The following STOML1 variants were observed in gnomAD, a reference collection of about 807,000 sequenced individuals.
STOML1 encodes stomatin-like protein 1.
STOML1 carries 27 observed loss-of-function variants against 35.7 expected under a neutral mutation model. That is an observed-to-expected ratio of 0.76 (90% CI 0.56 to 1.04). STOML1 has a LOEUF of 1.04. Ranked by LOEUF, STOML1 falls within the 50% of genes least tolerant of loss-of-function variation. The pLI is 0.00. For missense variants in STOML1, 451 were observed against 527.1 expected (o/e 0.86, Z 1.41); for synonymous variants, 219 against 227.9 (o/e 0.96, Z 0.35).
rs550424824 is a variant in STOML1 at position 73,988,677 on chromosome 15, G to A, written c.516C>T (p.Asn172=). 5.1e-5 allele frequency: 83 copies of A among 1,614,196 alleles called. No individual in the cohort carries two copies. The highest frequency in any genetic ancestry group is 2.2e-4 in the Admixed American group (13 of 60,034). The change falls in exon 4 of 7, where the codon AAC becomes AAT. Residue 172 remains asparagine (N), a synonymous_variant. Transcript: ENST00000541638. This position sits in a 1 kb window ranked among gnomAD's most constrained non-coding sequence, Gnocchi z 4.8. ...TCTTGAGCAGGGCCTTGGTCATGGC[G>A]TTCTGGGCTGTCATGCGTGTGGCTG... ...LNTATRMTAQ[N]AMTKALLKRP...
rs1304801303 is a variant in STOML1 at position 73,988,471 on chromosome 15, T to C, written c.594+128A>G. ...CACCCAGGCACTGGCTCTTCAAAGG[T>C]GGTTACACTATTGGGACATATGGTA... On this transcript the variant is annotated intron_variant, in intron 4 of 6. Transcript: ENST00000541638. This position sits in a 1 kb window ranked among gnomAD's most constrained non-coding sequence, Gnocchi z 4.8. 5.4e-6 allele frequency: 6 copies of C among 1,119,438 alleles called. No homozygotes were observed. Among genetic ancestry groups the C allele is most frequent in the Non-Finnish European group, 7.5e-6 (6 of 794,988 alleles). 69.3% of individuals were successfully genotyped at this position (1,119,438 alleles called of 1,614,324 possible). A position where few individuals can be genotyped will look rare whatever the true frequency, so the allele number is the denominator to read the frequency against.
intron 3 of STOML1, 70 bp downstream of exon 3, chr15:73,989,038 G>C: frequency 6.6e-7 from 1 of 1,518,116 alleles, no homozygotes; most frequent in South Asian, 1.3e-5. Context: ...ACAGGCTGAG[G>C]TCCTGGCACC....
In STOML1 at chr15:73,988,678, T is replaced by C; in HGVS notation, c.515A>G (p.Asn172Ser). 6.2e-7 allele frequency: 1 copy of C among 1,614,162 alleles called. No homozygotes were observed. The highest frequency in any genetic ancestry group is 8.5e-7 in the Non-Finnish European group (1 of 1,180,022). The part of the protein sequence containing the change: ...LNTATRMTAQ[N>S]AMTKALLKRP... ...CTTGAGCAGGGCCTTGGTCATGGCG[T>C]TCTGGGCTGTCATGCGTGTGGCTGT... Residue 172 changes from asparagine to serine, a missense_variant, in exon 4 of 7, where the codon AAC becomes AGC. Transcript: ENST00000541638. The surrounding 1 kb of genome is among the most constrained non-coding windows in gnomAD (Gnocchi z 4.8).
At position 73,990,350 on chromosome 15, in the gene STOML1, C is replaced by T. The variant is rs1452510874; in HGVS notation, c.240+1G>A. 1.9e-6 allele frequency: 3 copies of T among 1,613,962 alleles called. No individual in the cohort carries two copies. Among genetic ancestry groups the T allele is most frequent in the Non-Finnish European group, 2.5e-6 (3 of 1,179,922 alleles). On this transcript the variant is annotated splice_donor_variant, in intron 2 of 6. Transcript: ENST00000541638. LOFTEE classifies it high-confidence loss of function. ...CTGGGGGCTGACCCAGCCAGCCTTACCTTCAGGGCAAACCAGCCAGAAATG... is the reference window on the plus strand; with the variant it reads ...CTGGGGGCTGACCCAGCCAGCCTTATCTTCAGGGCAAACCAGCCAGAAATG...
In STOML1 at chr15:73,988,036, T is replaced by C. The variant is rs1446826081; in HGVS notation, c.594+563A>G. 1 of 152,788 alleles carries C rather than the reference T, an allele frequency of 6.5e-6. No individual in the cohort carries two copies. The highest frequency in any genetic ancestry group is 1.5e-5 in the Non-Finnish European group (1 of 68,440). The allele number at this position is 152,788 out of a possible 1,614,324, so 9.5% of individuals were successfully genotyped here. On this transcript the variant is annotated intron_variant, in intron 4 of 6. Coordinates refer to ENST00000541638, the MANE Select transcript of STOML1 (RefSeq NM_004809.5). This position sits in a 1 kb window ranked among gnomAD's most constrained non-coding sequence, Gnocchi z 4.8. ...TGGCTGCAGGGGACACAACTCTGCA[T>C]GTGTATTTATTTCTACCCCATCTTG...
In STOML1 at chr15:73,983,961, C is replaced by T. The variant is rs1432313108; in HGVS notation, c.1173G>A (p.Glu391=). The stretch of plus-strand genomic sequence containing the variant: ...GCTACTTCAAGGCCCTGAGGACAGC[C>T]TCCAGCTTCATGGCCATAGCCAGGT... ...KGDLAMAMKL[E]AVLRALK Residue 391 remains glutamate (E), a synonymous_variant, in exon 7 of 7, where the codon GAG becomes GAA. Coordinates refer to ENST00000541638, the MANE Select transcript of STOML1 (RefSeq NM_004809.5). 1.2e-6 allele frequency: 2 copies of T among 1,613,918 alleles called. No individual in the cohort carries two copies. The highest frequency in any genetic ancestry group is 1.7e-6 in the Non-Finnish European group (2 of 1,179,938).
rs2068945099 is a variant in STOML1 at position 73,980,074 on chromosome 15, CAATA to C, written c.*3859_*3862del. ...ACAAAAAACAAAAAAATAACTTGAACAATAAACAAAAAAATTACACTGAGATACA... is the reference window on the plus strand; with the variant it reads ...ACAAAAAACAAAAAAATAACTTGAACAACAAAAAAATTACACTGAGATACA... On this transcript the variant is annotated 3_prime_UTR_variant, in exon 7 of 7. Coordinates refer to ENST00000541638, the MANE Select transcript of STOML1 (RefSeq NM_004809.5). The C allele has an allele frequency of 6.6e-6, 1 of 151,864 alleles. No individual in the cohort carries two copies. Among genetic ancestry groups the C allele is most frequent in the Admixed American group, 6.6e-5 (1 of 15,216 alleles). 9.4% of individuals were successfully genotyped at this position (151,864 alleles called of 1,614,324 possible).
At chr15:73,994,553 TAA>T (rs1841069183), upstream of STOML1, 1 of 561,904 alleles carries the variant, frequency 1.8e-6, no homozygotes, top group South Asian at 2.0e-5. Flanking sequence ...CGCTTTACCG[TAA>T]GTCAGCGGTA....
In STOML1 at chr15:73,988,841, C is replaced by T; in HGVS notation, c.391-39G>A. The T allele has an allele frequency of 6.3e-7, 1 of 1,592,512 alleles. No homozygotes were observed. On this transcript the variant is annotated intron_variant, in intron 3 of 6. Coordinates refer to ENST00000541638, the MANE Select transcript of STOML1 (RefSeq NM_004809.5). This position sits in a 1 kb window ranked among gnomAD's most constrained non-coding sequence, Gnocchi z 4.8. ...CCATGAGAGAGAGACACTCAAGGGG[C>T]TGGGGGTGCAGGGAGGTCAGGCCCA...
At position 73,992,141 on chromosome 15, in the gene STOML1, G is replaced by A; in HGVS notation, c.83C>T (p.Ser28Leu). The change falls in exon 1 of 7, where the codon TCG (serine) becomes TTG (leucine). Residue 28 changes from serine to leucine, a missense_variant. Physicochemically the swap from Ser to Leu is moderately radical, Grantham distance 145 (BLOSUM62 -2). Transcript: ENST00000541638. The part of the protein sequence containing the change: ...FQQSSFGFLG[S>L]QKGCLSPERG... Reference sequence around the variant, plus strand: ...CTCCGGGGACAAGCAGCCCTTCTGCGAGCCCAGAAAGCCGAAGCTCGACTG... The same window carrying A: ...CTCCGGGGACAAGCAGCCCTTCTGCAAGCCCAGAAAGCCGAAGCTCGACTG... The A allele has an allele frequency of 6.2e-7, 1 of 1,608,190 alleles. No homozygotes were observed. Among genetic ancestry groups the A allele is most frequent in the Non-Finnish European group, 8.5e-7 (1 of 1,177,898 alleles).
chr15:73,993,781 C>T (rs1455425753), upstream of STOML1, among the ~76,000 whole-genome samples: 1 of 152,178 alleles, frequency 6.6e-6, no homozygotes, highest in African/African-American at 2.4e-5. Context: ...CCCCTTTCCC[C>T]TTACCAGCTG....
chr15:73,985,400 G>A lies in STOML1; in HGVS notation c.708C>T (p.Asp236=), dbSNP rs2069059998. 3 of 1,565,246 alleles carry A rather than the reference G, an allele frequency of 1.9e-6. No individual in the cohort carries two copies. The highest frequency in any genetic ancestry group is 2.8e-5 in the African/African-American group (2 of 71,536). The change falls in exon 5 of 7, where the codon GAC becomes GAT. Residue 236 remains aspartate, a synonymous_variant. Coordinates refer to ENST00000541638, the MANE Select transcript of STOML1 (RefSeq NM_004809.5). ...GCAGGGCCAGCTGCTGGAGGGTGCT[G>A]TCCAGGTTGGGCCCAGCTGGGCTGT... The part of the protein sequence containing the change: ...PQDSPAGPNL[D]STLQQLALHF...
At chr15:73,984,534 C>T in intron 6 of STOML1, 125 bp downstream of exon 6, 2 of 1,139,424 alleles carry the variant, frequency 1.8e-6, no homozygotes, top group Non-Finnish European at 1.2e-6. Flanking sequence ...TGAGCCCCTG[C>T]CTGCCATGGG....
rs368495173 is a variant in STOML1 at position 73,984,056 on chromosome 15, G to A, written c.1078C>T (p.Arg360Trp). 2.0e-5 allele frequency: 33 copies of A among 1,613,914 alleles called. No homozygotes were observed. Among genetic ancestry groups the A allele is most frequent in the African/African-American group, 9.3e-5 (7 of 74,936 alleles). ...VVVEMAEADL[R>W]ALLCRELRPL... ...CGCAGCTCTCTGCATAGCAGGGCCC[G>A]CAGGTCTGCCTCGGCCATCTCCACC... Residue 360 changes from arginine (R) to tryptophan (W), a missense_variant, in exon 7 of 7, where the codon CGG becomes TGG. Physicochemically the swap from Arg to Trp is moderately radical, Grantham distance 101. Transcript: ENST00000541638.
chr15:73,983,829 G>A lies in STOML1; in HGVS notation c.*108C>T, dbSNP rs1026912439. On this transcript the variant is annotated 3_prime_UTR_variant, in exon 7 of 7. Transcript: ENST00000541638. ...GGGCTCTTGGCTGGGCCTGAAATTT[G>A]TTAGGGCCTCAACTCTCTGTGGTGC... 13 of 1,326,504 alleles carry A rather than the reference G, an allele frequency of 9.8e-6. No homozygotes were observed. Among genetic ancestry groups the A allele is most frequent in the African/African-American group, 1.5e-5 (1 of 67,596 alleles). The allele number at this position is 1,326,504 out of a possible 1,614,324, so 82.2% of individuals were successfully genotyped here.
At chr15:73,992,336 C>G, upstream of STOML1, 7 of 1,264,580 alleles carry the variant, frequency 5.5e-6, no homozygotes, top group Non-Finnish European at 7.1e-6. Context: ...CGCGCGGCCA[C>G]CCGCGGCGGC....
Position 73,988,738 on chromosome 15 carries a change from G to A in STOML1, c.455C>T (p.Pro152Leu), listed in dbSNP as rs150164503. The A allele has an allele frequency of 4.5e-5, 73 of 1,614,078 alleles. No individual in the cohort carries two copies. Among genetic ancestry groups the A allele is most frequent in the East Asian group, 6.7e-5 (3 of 44,892 alleles). Residue 152 changes from proline to leucine, a missense_variant, in exon 4 of 7, where the codon CCG (proline) becomes CTG (leucine). By Grantham distance (98) the Pro-to-Leu change is moderately conservative (BLOSUM62 -3). Transcript: ENST00000541638. The surrounding 1 kb of genome is among the most constrained non-coding windows in gnomAD (Gnocchi z 4.8). ...GADVQFRIWDPVLSVMTVKDL... is the reference protein window; with the variant it reads ...GADVQFRIWDLVLSVMTVKDL... The stretch of plus-strand genomic sequence containing the variant: ...TTTCACAGTCATCACCGACAGCACC[G>A]GGTCCCAGATGCGAAACTGGACATC...
At chr15:73,984,615 CT>C (rs1369073364) in intron 6 of STOML1, 43 bp downstream of exon 6, 7 of 1,604,760 alleles carry the variant, frequency 4.4e-6, no homozygotes, top group Non-Finnish European at 6.0e-6. Flanking sequence ...AACAAGAAAC[CT>C]AGCAAGCTGG....
chr15:73,985,248 G>T, intron 5 of STOML1, 70 bp downstream of exon 5: 2 of 1,454,632 alleles, frequency 1.4e-6, no homozygotes, highest in Non-Finnish European at 1.8e-6. Context: ...GAGCTGCTGG[G>T]ATAGTGAGCA....
Sources: allele counts gnomAD v4.1 joint callset (sites outside exome capture counted in the v4.1 genomes callset), GRCh38; gene constraint gnomAD v4.1.1; non-coding constraint Gnocchi (gnomAD v3.1); transcripts MANE v1.5; gene names NCBI Gene and HGNC (gene_info 2026-07-23, HGNC 2026-07-21).